ERC2: variants seen among roughly 807,000 people sequenced by gnomAD.
The protein encoded by ERC2 is ERC protein 2.
ERC2 carries 42 observed loss-of-function variants against 114.8 expected under a neutral mutation model. The ratio of observed to expected loss-of-function variants is 0.37; its 90% CI spans 0.29 to 0.47. The LOEUF (loss-of-function observed/expected upper bound fraction) is 0.47, where lower values mean the gene tolerates loss of function less well. Among genes scored for constraint, ERC2 ranks in the 20% least tolerant of loss-of-function variants. The pLI, the probability that ERC2 is intolerant of heterozygous loss-of-function variation, is 0.99. For synonymous variants in ERC2, 454 were observed against 425.5 expected (o/e 1.07, Z -0.82); for missense variants, 939 against 1,150.7 (o/e 0.82, Z 2.66).
intron 17 of ERC2, among the ~76,000 whole-genome samples, chr3:55,583,535 TCC>T (rs2057419007): frequency 4.4e-5 from 2 of 45,830 alleles, no homozygotes; most frequent in Admixed American, 4.5e-4. Context: ...CTTCCTTCCT[TCC>T]TTCCTTTCTT....
chr3:56,003,457 A>G (rs1422800616), intron 10 of ERC2, among the ~76,000 whole-genome samples: 1 of 152,170 alleles, frequency 6.6e-6, no homozygotes, highest in African/African-American at 2.4e-5. Flanking sequence ...GCCTCCAGCA[A>G]TGAATCAGAA....
At chr3:56,467,980 C>T (rs2063627521) in intron 1 of ERC2, among the ~76,000 whole-genome samples, 1 of 152,020 alleles carries the variant, frequency 6.6e-6, no homozygotes, top group Admixed American at 6.5e-5. Context: ...CCGGGGCTAG[C>T]GAGCGGCGCC....
At chr3:55,538,422 T>A (rs911922178) in intron 17 of ERC2, among the ~76,000 whole-genome samples, 2 of 152,146 alleles carry the variant, frequency 1.3e-5, no homozygotes, top group African/African-American at 4.8e-5. Context: ...ACACCACACA[T>A]CTCCAGCCTC....
chr3:56,089,854 G>A (rs1461711137), intron 6 of ERC2, among the ~76,000 whole-genome samples: 1 of 152,212 alleles, frequency 6.6e-6, no homozygotes, highest in African/African-American at 2.4e-5. Context: ...CACTGACTTA[G>A]AGAGAAGCTT....
chr3:55,630,317 GCAC>G (rs1324727818), intron 17 of ERC2, among the ~76,000 whole-genome samples: 1 of 152,132 alleles, frequency 6.6e-6, no homozygotes, highest in Non-Finnish European at 1.5e-5. Context: ...TTACAGGCGT[GCAC>G]CACCACACCA....
chr3:55,610,064 C>CA (rs36088271), intron 17 of ERC2, among the ~76,000 whole-genome samples: 23,828 of 117,292 alleles, frequency 0.2, 2,506 homozygotes, highest in East Asian at 0.39. Flanking sequence ...CAAACACAAA[C>CA]AAAAAAAAAA....
chr3:55,763,558 G>T (rs1381704222), intron 14 of ERC2, among the ~76,000 whole-genome samples: 1 of 152,124 alleles, frequency 6.6e-6, no homozygotes, highest in African/African-American at 2.4e-5. Flanking sequence ...TCTTTAAAGG[G>T]GGATAGTTAC....
chr3:55,684,955 T>G (rs2062249109), intron 16 of ERC2, among the ~76,000 whole-genome samples: 1 of 152,176 alleles, frequency 6.6e-6, no homozygotes, highest in Non-Finnish European at 1.5e-5. Context: ...ATTTGACTCC[T>G]TATTGGTTAA....
chr3:55,901,240 C>A (rs1198566073), intron 13 of ERC2, among the ~76,000 whole-genome samples: 1 of 152,112 alleles, frequency 6.6e-6, no homozygotes, highest in Non-Finnish European at 1.5e-5. Context: ...TTTTTGTATT[C>A]TATTTCAGTT....
intron 14 of ERC2, among the ~76,000 whole-genome samples, chr3:55,824,122 C>A (rs953052976): frequency 6.6e-6 from 1 of 152,164 alleles, no homozygotes; most frequent in Non-Finnish European, 1.5e-5. Context: ...CCCTCCTGAA[C>A]AAGCTAATTT....
intron 3 of ERC2, among the ~76,000 whole-genome samples, chr3:56,292,930 CTCT>C (rs769353266): frequency 3.9e-5 from 6 of 152,214 alleles, no homozygotes; most frequent in Non-Finnish European, 8.8e-5. Context: ...GTGCTTCACT[CTCT>C]TCTTCATGAC....
At chr3:56,323,274 G>A (rs1450980054) in intron 2 of ERC2, among the ~76,000 whole-genome samples, 1 of 152,114 alleles carries the variant, frequency 6.6e-6, no homozygotes. Context: ...AAATGCCTGA[G>A]GCCAAAGGAA....
chr3:56,312,344 G>A (rs1002889890), intron 2 of ERC2, among the ~76,000 whole-genome samples: 5 of 152,206 alleles, frequency 3.3e-5, no homozygotes, highest in African/African-American at 7.2e-5. Context: ...AAAGGAAGAT[G>A]AGGAGAGGTT....
At chr3:56,416,112 A>G (rs1317996251) in intron 2 of ERC2, among the ~76,000 whole-genome samples, 1 of 152,214 alleles carries the variant, frequency 6.6e-6, no homozygotes, top group East Asian at 1.9e-4. Flanking sequence ...TTTGGCCAAC[A>G]TCACATCTAA....
At chr3:55,552,593 A>G (rs562038985) in intron 17 of ERC2, among the ~76,000 whole-genome samples, 2 of 152,208 alleles carry the variant, frequency 1.3e-5, no homozygotes, top group African/African-American at 4.8e-5. Context: ...TGTTCTATTA[A>G]AACAGCCGGG....
intron 15 of ERC2, among the ~76,000 whole-genome samples, chr3:55,707,208 C>T (rs1576235958): frequency 6.6e-6 from 1 of 152,160 alleles, no homozygotes; most frequent in East Asian, 1.9e-4. Context: ...CAGAGGCAGC[C>T]GGGTGGCTTG....
chr3:56,084,689 A>G (rs1236224900), intron 6 of ERC2, among the ~76,000 whole-genome samples: 6 of 152,074 alleles, frequency 3.9e-5, no homozygotes, highest in African/African-American at 1.4e-4. Flanking sequence ...TATAATGGAC[A>G]TTGGAGACTT....
intron 13 of ERC2, among the ~76,000 whole-genome samples, chr3:55,925,791 G>A (rs1361097478): frequency 1.3e-5 from 2 of 152,130 alleles, no homozygotes; most frequent in Admixed American, 6.5e-5. Context: ...AGAGACAAAC[G>A]ACCATATGAT....
intron 6 of ERC2, among the ~76,000 whole-genome samples, chr3:56,130,181 T>C (rs2080120518): frequency 6.6e-6 from 1 of 152,238 alleles, no homozygotes; most frequent in African/African-American, 2.4e-5. Flanking sequence ...TTCTGTGTTG[T>C]CTGCTCATAT....
Sources: gnomAD v4.1 joint callset for allele counts (sites outside exome capture counted in the v4.1 genomes callset) on GRCh38, gnomAD v4.1.1 for gene constraint, MANE v1.5 for transcripts, NCBI Gene and HGNC (gene_info 2026-07-23, HGNC 2026-07-21) for gene names.